The following TRIO variants were observed in gnomAD, a reference collection of about 807,000 sequenced individuals.
TRIO encodes trio Rho guanine nucleotide exchange factor, also known as triple functional domain protein.
A neutral mutation model predicts 351.9 loss-of-function variants in TRIO; 58 were observed. The observed-to-expected ratio is 0.16, with a 90% confidence interval of 0.13 to 0.21. TRIO has a LOEUF of 0.21. Ranked by LOEUF, TRIO falls within the 10% of genes least tolerant of loss-of-function variation. The probability of loss-of-function intolerance (pLI) is 1.00; values close to 1 mark genes in which losing one functional copy is unlikely to be tolerated. For missense variants in TRIO, 3,201 were observed against 4,027.8 expected (o/e 0.79, Z 5.56); for synonymous variants, 1,758 against 1,595.7 (o/e 1.10, Z -2.42).
intron 1 of TRIO, among the ~76,000 whole-genome samples, chr5:14,196,814 C>G (rs529636059): frequency 7.2e-5 from 11 of 152,288 alleles, no homozygotes; most frequent in African/African-American, 2.6e-4. Flanking sequence ...TGACCAGATA[C>G]TGAATGAAGT....
At chr5:14,431,209 G>A (rs1365002544) in intron 34 of TRIO, among the ~76,000 whole-genome samples, 2 of 152,184 alleles carry the variant, frequency 1.3e-5, no homozygotes, top group African/African-American at 4.8e-5. Flanking sequence ...CTCATGCTGG[G>A]CTGGCTGCCT....
intron 9 of TRIO, among the ~76,000 whole-genome samples, chr5:14,326,170 C>T (rs1175435885): frequency 6.6e-6 from 1 of 152,166 alleles, no homozygotes; most frequent in Non-Finnish European, 1.5e-5. Flanking sequence ...ACCCCTGGCT[C>T]ACTGTGAGGA....
intron 8 of TRIO, among the ~76,000 whole-genome samples, chr5:14,313,784 A>G (rs1443367482): frequency 6.6e-6 from 1 of 152,184 alleles, no homozygotes; most frequent in African/African-American, 2.4e-5. Context: ...AAGGAGGAGG[A>G]AGGGACAAGG....
At chr5:14,338,737 G>A (rs569073985) in intron 11 of TRIO, among the ~76,000 whole-genome samples, 112 of 152,294 alleles carry the variant, frequency 7.4e-4, no homozygotes, top group African/African-American at 2.6e-3. Flanking sequence ...CCTGGATGCT[G>A]TAGATGCCAT....
At chr5:14,348,107 C>G (rs561504844) in intron 11 of TRIO, among the ~76,000 whole-genome samples, 3 of 152,174 alleles carry the variant, frequency 2.0e-5, no homozygotes, top group South Asian at 2.1e-4. Flanking sequence ...GTTTGGATCA[C>G]GTGGGTATTG....
intron 13 of TRIO, among the ~76,000 whole-genome samples, chr5:14,361,003 C>T (rs1294701884): frequency 6.6e-6 from 1 of 152,236 alleles, no homozygotes; most frequent in Non-Finnish European, 1.5e-5. Flanking sequence ...GCCATGTCCT[C>T]CCCAAGGTAG....
rs1319119966 is a variant in TRIO, at chr5:14,509,036, T to G, written c.*614T>G. On this transcript the variant is annotated 3_prime_UTR_variant, in exon 57 of 57. Transcript: ENST00000344204. ...TATATAAGACTGTTCCTGCCTTCGGTCTGTCATTTTCCCACCTGCCTCCCC... is the reference window on the plus strand; with the variant it reads ...TATATAAGACTGTTCCTGCCTTCGGGCTGTCATTTTCCCACCTGCCTCCCC... 5.4e-6 allele frequency: 1 copy of G among 185,438 alleles called. No individual in the cohort carries two copies. Among genetic ancestry groups the G allele is most frequent in the East Asian group, 1.7e-4 (1 of 5,782 alleles). The allele number at this position is 185,438 out of a possible 1,614,324, so 11.5% of individuals were successfully genotyped here.
chr5:14,320,521 T>C (rs1270168650), intron 9 of TRIO, among the ~76,000 whole-genome samples: 1 of 152,116 alleles, frequency 6.6e-6, no homozygotes, highest in Non-Finnish European at 1.5e-5. Flanking sequence ...GCCCTTCATG[T>C]GTGAGCGCCA....
chr5:14,149,934 CTG>C (rs1787729305), intron 1 of TRIO, among the ~76,000 whole-genome samples: 1 of 152,198 alleles, frequency 6.6e-6, no homozygotes, highest in African/African-American at 2.4e-5. Flanking sequence ...TTCTCACAGT[CTG>C]TAGCCCTGCT....
At position 14,509,983 on chromosome 5, in the gene TRIO, C is replaced by T. The variant is rs987788970; in HGVS notation, c.*1561C>T. On this transcript the variant is annotated 3_prime_UTR_variant, in exon 57 of 57. Transcript: ENST00000344204. ...GTTTGTTTCTTCTTGTAAAATTGTA[C>T]AGAAACTTTTTAAAAGAAATTGGAT... 6.6e-6 allele frequency: 1 copy of T among 152,194 alleles called. No homozygotes were observed. The highest frequency in any genetic ancestry group is 2.4e-5 in the African/African-American group (1 of 41,440). 9.4% of individuals were successfully genotyped at this position (152,194 alleles called of 1,614,324 possible). A position where few individuals can be genotyped will look rare whatever the true frequency, so the allele number is the denominator to read the frequency against.
intron 46 of TRIO, among the ~76,000 whole-genome samples, chr5:14,484,635 C>T (rs529696459): frequency 6.6e-6 from 1 of 152,234 alleles, no homozygotes; most frequent in East Asian, 1.9e-4. Context: ...CATAAATGTT[C>T]CATCTTTAAT....
At chr5:14,175,224 G>A (rs550477344) in intron 1 of TRIO, among the ~76,000 whole-genome samples, 30 of 152,276 alleles carry the variant, frequency 2.0e-4, no homozygotes, top group African/African-American at 7.2e-4. Context: ...ATGGCTGTCA[G>A]GATTTAAATT....
intron 48 of TRIO, among the ~76,000 whole-genome samples, chr5:14,491,503 A>G (rs1756480391): frequency 6.6e-6 from 1 of 152,198 alleles, no homozygotes; most frequent in Admixed American, 6.5e-5. Flanking sequence ...GGCAAGATGC[A>G]GCTTCAGGCG....
intron 48 of TRIO, among the ~76,000 whole-genome samples, chr5:14,491,901 G>A (rs188294426): frequency 6.6e-6 from 1 of 152,324 alleles, no homozygotes; most frequent in African/African-American, 2.4e-5. Flanking sequence ...CTTGAGTCAT[G>A]CAAGTTCATA....
Position 14,462,766 on chromosome 5 carries a change from C to T in TRIO, c.5508C>T (p.Asn1836=), listed in dbSNP as rs760856568. 22 of 1,614,006 alleles carry T rather than the reference C, an allele frequency of 1.4e-5. No individual in the cohort carries two copies. Among genetic ancestry groups the T allele is most frequent in the Middle Eastern group, 1.6e-4 (1 of 6,084 alleles). Reference sequence around the variant, plus strand: ...TGACTGGATTTCAGAGAGGCCGGAACGAGGGCCTGAGCAGCGGTACTCTCT... The same window carrying T: ...TGACTGGATTTCAGAGAGGCCGGAATGAGGGCCTGAGCAGCGGTACTCTCT... The part of the protein sequence containing the change: ...QDETVEERGR[N]EGLSSGTLSK... The change falls in exon 36 of 57, where the codon AAC becomes AAT. Residue 1836 remains asparagine, a synonymous_variant. Transcript: ENST00000344204.
chr5:14,219,728 A>C (rs893208103), intron 1 of TRIO, among the ~76,000 whole-genome samples: 1 of 152,168 alleles, frequency 6.6e-6, no homozygotes, highest in Non-Finnish European at 1.5e-5. Context: ...AATCTTTGGG[A>C]TAGGGTTCAG....
intron 10 of TRIO, among the ~76,000 whole-genome samples, chr5:14,332,295 A>G (rs549652717): frequency 1.3e-5 from 2 of 152,364 alleles, no homozygotes; most frequent in South Asian, 4.1e-4. Flanking sequence ...CTTCCTGGAT[A>G]AAAGAGTTTG....
chr5:14,488,960 A>G, intron 48 of TRIO: 1 of 764,696 alleles, frequency 1.3e-6, no homozygotes, highest in Non-Finnish European at 2.4e-6. Flanking sequence ...TCTCAAGCAC[A>G]AGGGTTGCTG....
intron 1 of TRIO, among the ~76,000 whole-genome samples, chr5:14,232,616 T>A (rs558578544): frequency 6.6e-6 from 1 of 152,244 alleles, no homozygotes; most frequent in South Asian, 2.1e-4. Flanking sequence ...TTCATACTTT[T>A]GTCCACCATG....
Sources: allele counts gnomAD v4.1 joint callset (sites outside exome capture counted in the v4.1 genomes callset), GRCh38; gene constraint gnomAD v4.1.1; transcripts MANE v1.5; gene names NCBI Gene and HGNC (gene_info 2026-07-23, HGNC 2026-07-21).